The following GSE1 variants were observed in gnomAD, a reference collection of about 807,000 sequenced individuals.
GSE1 encodes the protein Gse1 coiled-coil protein.
GSE1 carries 32 observed loss-of-function variants against 112.6 expected under a neutral mutation model. That is an observed-to-expected ratio of 0.28 (90% CI 0.21 to 0.38). GSE1 has a LOEUF of 0.38. Ranked by LOEUF, GSE1 falls within the 10% of genes least tolerant of loss-of-function variation. GSE1 has a pLI of 1.00. For missense variants in GSE1, 2,348 were observed against 1,699.2 expected, an observed-to-expected ratio of 1.38 and a Z score of -6.71; for synonymous variants, 1,115 against 735.6, an observed-to-expected ratio of 1.52 and a Z score of -8.35.
chr16:85,482,539 C>T (rs1410788195), intron 2 of GSE1, among the ~76,000 whole-genome samples: 7 of 152,326 alleles, frequency 4.6e-5, no homozygotes, highest in Non-Finnish European at 8.8e-5. Context: ...CAGTCCTTAC[C>T]TGGGGGCTTA....
chr16:85,514,803 C>T (rs1229876443), intron 2 of GSE1, among the ~76,000 whole-genome samples: 2 of 152,192 alleles, frequency 1.3e-5, no homozygotes, highest in African/African-American at 4.8e-5. Flanking sequence ...CCTGAGCCCC[C>T]AATAGCTCCT....
intron 1 of GSE1, among the ~76,000 whole-genome samples, chr16:85,331,451 G>A (rs1230704376): frequency 7.1e-6 from 1 of 140,346 alleles, no homozygotes; most frequent in Non-Finnish European, 1.5e-5. Context: ...GCGTATATAT[G>A]TATATATATG....
intron 2 of GSE1, among the ~76,000 whole-genome samples, chr16:85,369,565 G>A (rs950058526): frequency 3.3e-5 from 5 of 152,048 alleles, no homozygotes; most frequent in Non-Finnish European, 4.4e-5. Flanking sequence ...TGCCTCCCTT[G>A]CAAGGACCCT....
chr16:85,184,297 G>A (rs996113741), intron 1 of GSE1, among the ~76,000 whole-genome samples: 3 of 152,186 alleles, frequency 2.0e-5, no homozygotes, highest in African/African-American at 7.2e-5. Flanking sequence ...GACTCTGCTG[G>A]TGGCATCTTC....
At chr16:85,460,273 C>T (rs550603850) in intron 2 of GSE1, among the ~76,000 whole-genome samples, 4 of 152,232 alleles carry the variant, frequency 2.6e-5, no homozygotes, top group Non-Finnish European at 5.9e-5. Context: ...TGGAACCACC[C>T]GGGGGGCTTT....
chr16:85,440,887 C>T (rs1217617939), intron 2 of GSE1, among the ~76,000 whole-genome samples: 3 of 152,196 alleles, frequency 2.0e-5, no homozygotes, highest in South Asian at 4.1e-4. Flanking sequence ...CCCGAGGACG[C>T]GGTCCCACCG....
chr16:85,227,101 TCATC>T lies in GSE1; in HGVS notation c.2283+55320_2283+55323del, dbSNP rs71151273. Reference sequence around the variant, plus strand: ...ACCCATCTTTCCTCAGTCCTTCTTTTCATCCATCCATCCATCCATCCATCCATCC... The same window carrying T: ...ACCCATCTTTCCTCAGTCCTTCTTTTCATCCATCCATCCATCCATCCATCC... On this transcript the variant is annotated intron_variant, in intron 1 of 2. Transcript: ENST00000637419. Among the ~76,000 whole-genome samples the T allele has an allele frequency of 4.9e-4, 74 of 151,760 alleles. 1 individual carries two copies. The highest frequency in any genetic ancestry group is 5.3e-4 in the Non-Finnish European group (36 of 67,936).
intron 2 of GSE1, among the ~76,000 whole-genome samples, chr16:85,449,492 G>A (rs950196186): frequency 1.6e-4 from 24 of 152,362 alleles, no homozygotes; most frequent in African/African-American, 5.3e-4. Flanking sequence ...TTGGCCACAG[G>A]GTCACCTGAG....
chr16:85,523,073 G>A (rs2052242105), intron 2 of GSE1, among the ~76,000 whole-genome samples: 3 of 151,938 alleles, frequency 2.0e-5, no homozygotes, highest in Admixed American at 6.6e-5. Flanking sequence ...GCATGTGACT[G>A]TGTTGTGTGT....
chr16:85,192,117 TCA>T (rs1255347873), intron 1 of GSE1, among the ~76,000 whole-genome samples: 1 of 152,256 alleles, frequency 6.6e-6, no homozygotes, highest in Non-Finnish European at 1.5e-5. Context: ...TCTGGTGCAC[TCA>T]GACACGTGCA....
chr16:85,503,048 A>G (rs568916825), intron 2 of GSE1, among the ~76,000 whole-genome samples: 1 of 152,304 alleles, frequency 6.6e-6, no homozygotes, highest in Admixed American at 6.5e-5. Flanking sequence ...TATTTGAGGA[A>G]AGACAGTGGC....
Position 85,508,178 on chromosome 16 carries a change from C to T in GSE1, c.2465-125736C>T, listed in dbSNP as rs931678481. ...CCTCCCGAGTAGCTGGGATTACAGGCATGCGTCACCACGCCCAGCTAATTT... is the reference window on the plus strand; with the variant it reads ...CCTCCCGAGTAGCTGGGATTACAGGTATGCGTCACCACGCCCAGCTAATTT... On this transcript the variant is annotated intron_variant, in intron 2 of 2. Transcript: ENST00000637419. Among the ~76,000 whole-genome samples, 3 of 152,164 alleles carry T rather than the reference C, an allele frequency of 2.0e-5. No individual in the cohort carries two copies. In the East Asian group the frequency reaches 5.8e-4, roughly 29 times the overall value.
At chr16:85,235,754 G>C (rs960848601) in intron 1 of GSE1, among the ~76,000 whole-genome samples, 4 of 151,940 alleles carry the variant, frequency 2.6e-5, no homozygotes, top group African/African-American at 9.6e-5. Flanking sequence ...GGGCCCGCCC[G>C]CCCCAGGAAG....
At chr16:85,496,900 G>T (rs151338389) in intron 2 of GSE1, among the ~76,000 whole-genome samples, 3 of 147,056 alleles carry the variant, frequency 2.0e-5, no homozygotes, top group Non-Finnish European at 4.5e-5. Flanking sequence ...CTGGGTCTTT[G>T]TTGTTTTTTT....
chr16:85,528,050 G>A (rs2052418735), intron 2 of GSE1, among the ~76,000 whole-genome samples: 1 of 152,202 alleles, frequency 6.6e-6, no homozygotes, highest in African/African-American at 2.4e-5. Context: ...GTGTGGGGGG[G>A]CCCCAGCATC....
chr16:85,433,413 T>A (rs1393561528), intron 2 of GSE1, among the ~76,000 whole-genome samples: 1 of 152,098 alleles, frequency 6.6e-6, no homozygotes, highest in African/African-American at 2.4e-5. Context: ...TCGGCCAGCC[T>A]TAGAGAGAGA....
intron 1 of GSE1, among the ~76,000 whole-genome samples, chr16:85,299,476 G>C (rs1244987955): frequency 6.6e-6 from 1 of 152,242 alleles, no homozygotes; most frequent in Non-Finnish European, 1.5e-5. Flanking sequence ...CCAGTGACCT[G>C]CCTGAGGTCG....
Position 85,672,422 on chromosome 16 carries a change from A to T in GSE1, c.3537A>T (p.Lys1179Asn), listed in dbSNP as rs1267676004. 1 of 1,612,176 alleles carries T rather than the reference A, an allele frequency of 6.2e-7. No homozygotes were observed. The highest frequency in any genetic ancestry group is 8.5e-7 in the Non-Finnish European group (1 of 1,178,698). ...SHSVAELRSQ[K>N]QKMVSERERL... is the part of the protein sequence containing the mutation. Reference sequence around the variant, plus strand: ...CTCTCCAGGAGTTGAGGAGCCAGAAACAGAAGATGGTCTCAGAAAGGGAGC... The same window carrying T: ...CTCTCCAGGAGTTGAGGAGCCAGAATCAGAAGATGGTCTCAGAAAGGGAGC... Residue 1179 changes from lysine (K) to asparagine (N), a missense_variant, in exon 16 of 16, where the codon AAA becomes AAT. Coordinates refer to ENST00000253458, the MANE Select transcript of GSE1 (RefSeq NM_014615.5).
chr16:85,484,805 C>A (rs993295758), intron 2 of GSE1, among the ~76,000 whole-genome samples: 4 of 152,252 alleles, frequency 2.6e-5, no homozygotes, highest in Admixed American at 2.0e-4. Flanking sequence ...GGTGGCCCCT[C>A]TTCTGTAGCC....
Sources: allele counts gnomAD v4.1 joint callset (sites outside exome capture counted in the v4.1 genomes callset), GRCh38; gene constraint gnomAD v4.1.1; transcripts MANE v1.5; gene names NCBI Gene and HGNC (gene_info 2026-07-23, HGNC 2026-07-21).